Variants in INO80 observed in about 807,000 individuals in gnomAD.
INO80 encodes the protein INO80 complex ATPase subunit, also known as chromatin-remodeling ATPase INO80.
A neutral mutation model predicts 203.4 loss-of-function variants in INO80; 20 were observed. That is an observed-to-expected ratio of 0.10 (90% CI 0.07 to 0.14). The LOEUF (loss-of-function observed/expected upper bound fraction) is 0.14. Among genes scored for constraint, INO80 ranks in the 10% least tolerant of loss-of-function variants. INO80 has a pLI of 1.00. For synonymous variants in INO80, 726 were observed against 685.2 expected, an observed-to-expected ratio of 1.06 and a Z score of -0.93; for missense variants, 1,419 against 1,914.4, an observed-to-expected ratio of 0.74 and a Z score of 4.83.
chr15:40,979,859 G>A lies in INO80; in HGVS notation c.*364C>T, dbSNP rs76495904. On this transcript the variant is annotated 3_prime_UTR_variant, in exon 36 of 36. Transcript: ENST00000648947. ...TCTTCACAGCACCTGCGGAGACTTT[G>A]CAAGGGACGTGTCAGAGCCGAAGAG... is the stretch of plus-strand genomic sequence containing the variant. 0.058 allele frequency: 15,873 copies of A among 273,980 alleles called. 605 individuals carry two copies. Among genetic ancestry groups the A allele is most frequent in the Non-Finnish European group, 0.078 (10,943 of 140,230 alleles). 17.0% of individuals were successfully genotyped at this position (273,980 alleles called of 1,614,324 possible).
In INO80 at chr15:41,058,837, A is replaced by T. The variant is rs2045049230; in HGVS notation, c.1843-56T>A. 4.5e-6 allele frequency: 7 copies of T among 1,549,388 alleles called. No individual in the cohort carries two copies. The South Asian group carries it at 8.3e-5, about 18-fold the overall frequency. On this transcript the variant is annotated intron_variant, in intron 15 of 35. Transcript: ENST00000648947. ...AGAAACCTAATAATTCATAATAAGG[A>T]ACTGATGTATGGACTGTTTTTCTAG...
chr15:41,000,706 C>CAAAAAAAAAAAAAA (rs58232890), intron 28 of INO80, among the ~76,000 whole-genome samples: 62 of 56,632 alleles, frequency 1.1e-3, no homozygotes, highest in Non-Finnish European at 1.3e-3. Context: ...CACCCTGTCT[C>CAAAAAAAAAAAAAA]AAAAAAAAAA....
intron 24 of INO80, among the ~76,000 whole-genome samples, chr15:41,037,412 G>A (rs917286741): frequency 4.1e-4 from 63 of 151,962 alleles, no homozygotes; most frequent in Admixed American, 2.0e-4. Context: ...GCTGAGGCAG[G>A]AGACTACTTT....
In INO80 at chr15:40,979,819, T is replaced by C. The variant is rs1893749005; in HGVS notation, c.*404A>G. Reference sequence around the variant, plus strand: ...AGAAATCACACTCTTAAGAGAAATCTCTACCATGGAAGGCTCTTCACAGCA... The same window carrying C: ...AGAAATCACACTCTTAAGAGAAATCCCTACCATGGAAGGCTCTTCACAGCA... On this transcript the variant is annotated 3_prime_UTR_variant, in exon 36 of 36. Coordinates refer to ENST00000648947, the MANE Select transcript of INO80 (RefSeq NM_017553.3). 1 of 220,926 alleles carries C rather than the reference T, an allele frequency of 4.5e-6. No homozygotes were observed. The highest frequency in any genetic ancestry group is 9.2e-6 in the Non-Finnish European group (1 of 109,240). The allele number at this position is 220,926 out of a possible 1,614,324, so 13.7% of individuals were successfully genotyped here. A position where few individuals can be genotyped will look rare whatever the true frequency, so the allele number is the denominator to read the frequency against.
chr15:41,110,780 T>A (rs973522272), intron 1 of INO80, among the ~76,000 whole-genome samples: 1 of 152,194 alleles, frequency 6.6e-6, no homozygotes, highest in South Asian at 2.1e-4. Flanking sequence ...ATATCACTGT[T>A]TTCCCCTTCT....
chr15:41,012,561 T>TAAAAAAAAAAAAAAAAA (rs71104767), intron 27 of INO80, among the ~76,000 whole-genome samples: 1 of 90,808 alleles, frequency 1.1e-5, no homozygotes, highest in Non-Finnish European at 2.0e-5. Flanking sequence ...AGACTCTTTT[T>TAAAAAAAAAAAAAAAAA]AAAAAAAAAA....
chr15:41,007,898 A>T (rs2044073696), intron 27 of INO80, among the ~76,000 whole-genome samples: 1 of 152,136 alleles, frequency 6.6e-6, no homozygotes, highest in African/African-American at 2.4e-5. Flanking sequence ...GGTTGGCTGG[A>T]CGAAGTGGCT....
At chr15:41,024,609 G>A (rs527518049) in intron 25 of INO80, 5 of 152,332 alleles carry the variant, frequency 3.3e-5, no homozygotes, top group African/African-American at 9.6e-5. Flanking sequence ...TGAAGGAAGC[G>A]TAACCGCTCC....
chr15:41,097,190 C>T (rs4592624), intron 1 of INO80, among the ~76,000 whole-genome samples: 59,446 of 151,982 alleles, frequency 0.39, 11,764 homozygotes, highest in South Asian at 0.48. Context: ...GGATTACAGG[C>T]GCCCACCACC....
intron 1 of INO80, among the ~76,000 whole-genome samples, chr15:41,107,051 C>T (rs2045889997): frequency 6.6e-6 from 1 of 152,232 alleles, no homozygotes; most frequent in Non-Finnish European, 1.5e-5. Context: ...ACAGATTCCA[C>T]TCATTTCCAA....
intron 24 of INO80, among the ~76,000 whole-genome samples, chr15:41,032,684 T>C (rs1440350375): frequency 1.3e-5 from 2 of 152,204 alleles, no homozygotes; most frequent in Non-Finnish European, 2.9e-5. Context: ...TATTTTAAAT[T>C]GCAAAATCTG....
At position 41,092,033 on chromosome 15, in the gene INO80, G is replaced by C; in HGVS notation, c.531C>G (p.Asp177Glu). 2 of 1,601,998 alleles carry C rather than the reference G, an allele frequency of 1.2e-6. No individual in the cohort carries two copies. The highest frequency in any genetic ancestry group is 1.7e-6 in the Non-Finnish European group (2 of 1,170,112). ...KKLHQNKYSK[D>E]KELQQYQYYS... ...TTTCTCCTGAAACTCTTACCTCCTT[G>C]TCTTTACTATACTTATTTTGGTGAA... The change falls in exon 5 of 36, where the codon GAC becomes GAG. Residue 177 changes from aspartate to glutamate, a missense_variant. This residue lies in a region of INO80 where 323 missense variants were observed against 325.4 expected (regional missense o/e 0.99). Transcript: ENST00000648947.
Position 41,073,562 on chromosome 15 carries a change from C to G in INO80, c.1328-67G>C, listed in dbSNP as rs573802803. On this transcript the variant is annotated intron_variant, in intron 10 of 35. Transcript: ENST00000648947. Reference sequence around the variant, plus strand: ...ATTTTGTTCTAAGATACAATTAACACCAATGTATGTGGATCCCTGATTCCC... The same window carrying G: ...ATTTTGTTCTAAGATACAATTAACAGCAATGTATGTGGATCCCTGATTCCC... 1.6e-5 allele frequency: 19 copies of G among 1,214,292 alleles called. No individual in the cohort carries two copies. In the Admixed American group the frequency reaches 2.9e-4, roughly 18 times the overall value. The allele number at this position is 1,214,292 out of a possible 1,614,324, so 75.2% of individuals were successfully genotyped here.
At chr15:41,085,875 T>A (rs1409775979) in intron 6 of INO80, among the ~76,000 whole-genome samples, 1 of 152,204 alleles carries the variant, frequency 6.6e-6, no homozygotes, top group Admixed American at 6.5e-5. Flanking sequence ...TTATTTTTTT[T>A]CCGAGACGGA....
chr15:40,996,594 G>A (rs1041605440), intron 29 of INO80, among the ~76,000 whole-genome samples: 1 of 152,134 alleles, frequency 6.6e-6, no homozygotes. Flanking sequence ...AAAGTGCTGG[G>A]ATTACAGGCA....
intron 29 of INO80, among the ~76,000 whole-genome samples, chr15:40,996,000 A>G (rs1157554931): frequency 1.3e-5 from 2 of 152,282 alleles, no homozygotes; most frequent in African/African-American, 2.4e-5. Context: ...GGTGCATCCT[A>G]TAGTTGCTAT....
At chr15:41,112,488 T>G (rs2140719329) in intron 1 of INO80, among the ~76,000 whole-genome samples, 1 of 152,180 alleles carries the variant, frequency 6.6e-6, no homozygotes, top group East Asian at 1.9e-4. Flanking sequence ...AGATCCAACT[T>G]TAAAACTTTT....
At chr15:41,096,041 T>A in intron 2 of INO80, 113 bp from the exon 3 acceptor site, 1 of 1,421,568 alleles carries the variant, frequency 7.0e-7, no homozygotes, top group Non-Finnish European at 9.5e-7. Context: ...ATTGACTTTT[T>A]TATTTGAAAG....
intron 32 of INO80, 55 bp from the exon 33 acceptor site, chr15:40,984,407 A>G (rs1893945748): frequency 3.9e-6 from 6 of 1,535,976 alleles, no homozygotes; most frequent in Non-Finnish European, 8.9e-7. Flanking sequence ...CCAAAAGAAA[A>G]GCGGGATTTG....
Sources: gnomAD v4.1 joint callset for allele counts (sites outside exome capture counted in the v4.1 genomes callset) on GRCh38, gnomAD v4.1.1 for gene constraint, gnomAD v4.1.1 regional missense constraint, MANE v1.5 for transcripts, NCBI Gene and HGNC (gene_info 2026-07-23, HGNC 2026-07-21) for gene names.